The following ERAP2 variants were observed in gnomAD, a reference collection of about 807,000 sequenced individuals.
ERAP2 encodes endoplasmic reticulum aminopeptidase 2, also known as leukocyte-derived arginine aminopeptidase.
Under a neutral mutation model 111.1 loss-of-function variants are expected in ERAP2, and 118 were observed. The observed-to-expected ratio is 1.06, with a 90% confidence interval of 0.92 to 1.24. ERAP2 has a LOEUF of 1.24. Among genes scored for constraint, ERAP2 ranks in the 50% most tolerant of loss-of-function variants. The pLI, the probability that ERAP2 is intolerant of heterozygous loss-of-function variation, is 0.00. For synonymous variants in ERAP2, 410 were observed against 401.2 expected (o/e 1.02, Z -0.26); for missense variants, 1,131 against 1,125.8 (o/e 1.00, Z -0.07).
At chr5:96,906,175 G>A (rs953909173) in intron 13 of ERAP2, among the ~76,000 whole-genome samples, 1 of 118,174 alleles carries the variant, frequency 8.5e-6, no homozygotes, top group African/African-American at 3.3e-5. Context: ...ACCACGACAC[G>A]ACACTGTCTC....
At position 96,879,985 on chromosome 5, in the gene ERAP2, G is replaced by C. The variant is rs1782968525; in HGVS notation, c.300G>C (p.Leu100Phe). The stretch of plus-strand genomic sequence containing the variant: ...TTGCATCTGAGAAGATCGAAGTCTT[G>C]GTCAGCAATGCTACCCAGTTTATCA... Reference protein sequence around the residue: ...DFVASEKIEVLVSNATQFIIL... With the variant: ...DFVASEKIEVFVSNATQFIIL... The change falls in exon 2 of 19, where the codon TTG becomes TTC. Residue 100 changes from leucine (L) to phenylalanine (F), a missense_variant. Around this residue, in one of 3 missense-constraint regions of ERAP2, gnomAD observed 847 missense variants for 856.5 expected, o/e 0.99. Transcript: ENST00000437043. 2 of 1,614,048 alleles carry C rather than the reference G, an allele frequency of 1.2e-6. No homozygotes were observed. Among genetic ancestry groups the C allele is most frequent in the Non-Finnish European group, 1.7e-6 (2 of 1,179,994 alleles).
rs373868595 is a variant in ERAP2 at position 96,896,877 on chromosome 5, T to G, written c.1503+14T>G. ...AGTCTGTCAAATGTAAGTCATATGT[T>G]GGGTAACGATAGACTGTTATTTAAT... On this transcript the variant is annotated intron_variant, in intron 9 of 18. Coordinates refer to ENST00000437043, the MANE Select transcript of ERAP2 (RefSeq NM_022350.5). 115 of 1,565,696 alleles carry G rather than the reference T, an allele frequency of 7.3e-5. No individual in the cohort carries two copies. The highest frequency in any genetic ancestry group is 9.5e-5 in the Non-Finnish European group (111 of 1,163,906).
chr5:96,889,831 TACACACACACACACACAC>T (rs58154009), intron 5 of ERAP2, among the ~76,000 whole-genome samples: 2 of 148,756 alleles, frequency 1.3e-5, no homozygotes, highest in African/African-American at 4.9e-5. Context: ...AAAAAATACA[TACACACACACACACACAC>T]ACACACACAC....
At chr5:96,907,752 A>G (rs1188157214) in intron 13 of ERAP2, among the ~76,000 whole-genome samples, 1 of 152,046 alleles carries the variant, frequency 6.6e-6, no homozygotes, top group Non-Finnish European at 1.5e-5. Flanking sequence ...GCATGGTGGC[A>G]CATGGCTATA....
At chr5:96,902,198 T>C (rs1785545329) in intron 11 of ERAP2, 76 bp from the exon 12 acceptor site, 2 of 1,006,370 alleles carry the variant, frequency 2.0e-6, no homozygotes, top group Admixed American at 3.5e-5. Flanking sequence ...CCTTTTACAG[T>C]CTGTCTGAGT....
At chr5:96,895,497 G>T in intron 7 of ERAP2, 138 bp downstream of exon 7, 1 of 661,254 alleles carries the variant, frequency 1.5e-6, no homozygotes, top group Admixed American at 3.0e-5. Context: ...TTTGATACAC[G>T]AAACAGATCA....
At position 96,889,280 on chromosome 5, in the gene ERAP2, T is replaced by C; in HGVS notation, c.945T>C (p.Asp315=). ...KLLDFYEKYF[D]IYYPLSKLDL... ...TTGATTTTTATGAAAAGTACTTTGA[T>C]ATCTACTATCCACTCTCCAAACTGG... Residue 315 remains aspartate (D), a synonymous_variant, in exon 5 of 19, where the codon GAT becomes GAC. Transcript: ENST00000437043. 1 of 1,614,050 alleles carries C rather than the reference T, an allele frequency of 6.2e-7. No individual in the cohort carries two copies. The highest frequency in any genetic ancestry group is 8.5e-7 in the Non-Finnish European group (1 of 1,179,878).
chr5:96,895,321 C>A lies in ERAP2; in HGVS notation c.1201C>A (p.Leu401Ile). Residue 401 changes from leucine to isoleucine, a missense_variant, in exon 7 of 19, where the codon CTT (leucine) becomes ATT (isoleucine). Leu to Ile is a conservative substitution (Grantham distance 5, BLOSUM62 2). Around this residue, in one of 3 missense-constraint regions of ERAP2, gnomAD observed 847 missense variants for 856.5 expected, o/e 0.99. Coordinates refer to ENST00000437043, the MANE Select transcript of ERAP2 (RefSeq NM_022350.5). Reference protein sequence around the residue: ...LKEGFAKYMELIAVNATYPEL... With the variant: ...LKEGFAKYMEIIAVNATYPEL... The stretch of plus-strand genomic sequence containing the variant: ...GGAGGGTTTTGCAAAATACATGGAA[C>A]TTATCGCTGTTAATGCTACATATCC... 6.2e-7 allele frequency: 1 copy of A among 1,612,502 alleles called. No individual in the cohort carries two copies. The highest frequency in any genetic ancestry group is 8.5e-7 in the Non-Finnish European group (1 of 1,179,010).
intron 9 of ERAP2, among the ~76,000 whole-genome samples, chr5:96,898,943 T>G (rs1785155053): frequency 6.6e-6 from 1 of 152,176 alleles, no homozygotes; most frequent in Non-Finnish European, 1.5e-5. Context: ...TATGTATATT[T>G]GTAGACATCA....
Position 96,896,594 on chromosome 5 carries a change from C to G in ERAP2, c.1371+90C>G. 2.0e-6 allele frequency: 3 copies of G among 1,482,228 alleles called. No homozygotes were observed. In the South Asian group the frequency reaches 3.9e-5, roughly 19 times the overall value. 91.8% of individuals were successfully genotyped at this position (1,482,228 alleles called of 1,614,324 possible). A position where few individuals can be genotyped will look rare whatever the true frequency, so the allele number is the denominator to read the frequency against. ...GCAGTTTAAGTCACTGGTGCCAGTTCCTGCTACTTGTTTCACTTTTTATTT... is the reference window on the plus strand; with the variant it reads ...GCAGTTTAAGTCACTGGTGCCAGTTGCTGCTACTTGTTTCACTTTTTATTT... On this transcript the variant is annotated intron_variant, in intron 8 of 18. Coordinates refer to ENST00000437043, the MANE Select transcript of ERAP2 (RefSeq NM_022350.5).
intron 2 of ERAP2, among the ~76,000 whole-genome samples, chr5:96,882,087 G>A (rs1201689292): frequency 3.3e-5 from 5 of 152,254 alleles, no homozygotes; most frequent in Admixed American, 1.3e-4. Context: ...CTCTTCCCCA[G>A]GCTCCTCTCT....
intron 18 of ERAP2, among the ~76,000 whole-genome samples, chr5:96,916,271 C>T (rs1371948937): frequency 6.6e-6 from 1 of 151,446 alleles, no homozygotes; most frequent in Non-Finnish European, 1.5e-5. Flanking sequence ...AAAAAAAAGC[C>T]CCTGACTCTT....
intron 17 of ERAP2, among the ~76,000 whole-genome samples, chr5:96,914,895 A>T (rs1287478661): frequency 6.6e-6 from 1 of 151,932 alleles, no homozygotes; most frequent in Non-Finnish European, 1.5e-5. Context: ...TTATATTGTT[A>T]TAAATTTATA....
chr5:96,888,543 C>T (rs768084981), intron 4 of ERAP2, among the ~76,000 whole-genome samples: 4 of 152,052 alleles, frequency 2.6e-5, no homozygotes, highest in Non-Finnish European at 5.9e-5. Context: ...AAATGGTGGC[C>T]GTTTACATTT....
In ERAP2 at chr5:96,919,295, A is replaced by T. The variant is rs1787745365; in HGVS notation, c.*1690A>T. 6.6e-6 allele frequency: 1 copy of T among 152,326 alleles called. No homozygotes were observed. Among genetic ancestry groups the T allele is most frequent in the Non-Finnish European group, 1.5e-5 (1 of 68,042 alleles). 9.4% of individuals were successfully genotyped at this position (152,326 alleles called of 1,614,324 possible). A position where few individuals can be genotyped will look rare whatever the true frequency, so the allele number is the denominator to read the frequency against. On this transcript the variant is annotated 3_prime_UTR_variant, in exon 19 of 19. Transcript: ENST00000437043. ...ATTTTTTGGTTAAATTTGTTTTCAG[A>T]TCATTTCATGGAATCTTTGAAGTAT...
At chr5:96,898,495 AC>A (rs1785096362) in intron 9 of ERAP2, among the ~76,000 whole-genome samples, 1 of 147,482 alleles carries the variant, frequency 6.8e-6, no homozygotes, top group African/African-American at 2.5e-5. Context: ...TAATCCCATC[AC>A]TTTGGGAGAC....
chr5:96,879,227 C>T lies in ERAP2; in HGVS notation c.-122-337C>T, dbSNP rs187247370. On this transcript the variant is annotated intron_variant, in intron 1 of 18. Transcript: ENST00000437043. ...CAACAGAGCAAGACCCTGTCTAAAA[C>T]ATAAATAAATAAACAAAAATTTAAA... 2.8e-3 allele frequency among the ~76,000 whole-genome samples: 432 copies of T among 152,238 alleles called. 1 individual carries two copies. The highest frequency in any genetic ancestry group is 8.3e-3 in the African/African-American group (347 of 41,574).
In ERAP2 at chr5:96,883,829, C is replaced by T. The variant is rs148145360; in HGVS notation, c.613C>T (p.Arg205Cys). The T allele has an allele frequency of 1.9e-5, 31 of 1,613,280 alleles. No homozygotes were observed. The highest frequency in any genetic ancestry group is 4.5e-5 in the East Asian group (2 of 44,868). Residue 205 changes from arginine (R) to cysteine (C), a missense_variant, in exon 3 of 19, where the codon CGC becomes TGC. Transcript: ENST00000437043. ...AVTDFEPTQARMAFPCFDEPL... is the reference protein window; with the variant it reads ...AVTDFEPTQACMAFPCFDEPL... ...AACAGATTTTGAGCCAACCCAGGCA[C>T]GCATGGCTTTCCCTTGCTTTGATGA...
chr5:96,888,509 C>T (rs535414859), intron 4 of ERAP2, among the ~76,000 whole-genome samples: 34 of 152,354 alleles, frequency 2.2e-4, no homozygotes, highest in African/African-American at 7.2e-4. Context: ...AAGCATTCAG[C>T]ACAGTGCCTG....
Sources: allele counts gnomAD v4.1 joint callset (sites outside exome capture counted in the v4.1 genomes callset), GRCh38; gene constraint gnomAD v4.1.1; regional missense constraint gnomAD v4.1.1; transcripts MANE v1.5; gene names NCBI Gene and HGNC (gene_info 2026-07-23, HGNC 2026-07-21).